PPHLN1: variants seen among roughly 807,000 people sequenced by gnomAD.
The protein encoded by PPHLN1 is periphilin-1.
A neutral mutation model predicts 51.3 loss-of-function variants in PPHLN1; 29 were observed. The ratio of observed to expected loss-of-function variants is 0.57; its 90% confidence interval spans 0.42 to 0.77. PPHLN1 has a LOEUF of 0.77. PPHLN1 is among the 30% of genes least tolerant of loss of function. The pLI is 0.00. For synonymous variants in PPHLN1, 147 were observed against 147.8 expected (o/e 0.99, Z 0.04); for missense variants, 436 against 438.4 (o/e 0.99, Z 0.05).
At chr12:42,377,896 A>C (rs912781725) in intron 5 of PPHLN1, among the ~76,000 whole-genome samples, 2 of 152,154 alleles carry the variant, frequency 1.3e-5, no homozygotes, top group Non-Finnish European at 2.9e-5. Flanking sequence ...TCTTGAGATG[A>C]AATGTGGTTG....
intron 5 of PPHLN1, among the ~76,000 whole-genome samples, chr12:42,384,713 C>T (rs1213134860): frequency 6.6e-6 from 1 of 152,196 alleles, no homozygotes; most frequent in South Asian, 2.1e-4. Context: ...TGACAGTTCC[C>T]CTTGGCTTCT....
chr12:42,331,629 G>C (rs2069751113), intron 1 of PPHLN1, among the ~76,000 whole-genome samples: 1 of 152,190 alleles, frequency 6.6e-6, no homozygotes, highest in Admixed American at 6.5e-5. Flanking sequence ...ATAAGAGAAA[G>C]AGATTTTTAT....
chr12:42,437,574 AG>A (rs2082590655), intron 9 of PPHLN1, among the ~76,000 whole-genome samples: 2 of 152,164 alleles, frequency 1.3e-5, no homozygotes, highest in Non-Finnish European at 2.9e-5. Context: ...GCAAGAGCAT[AG>A]AGAGTTCTTA....
intron 9 of PPHLN1, among the ~76,000 whole-genome samples, chr12:42,418,211 CTTTTTT>C (rs60029170): frequency 0.028 from 2,797 of 98,342 alleles, 120 homozygotes; most frequent in African/African-American, 0.11. Context: ...TCCCGGCCCT[CTTTTTT>C]TTTTTTTTTT....
intron 4 of PPHLN1, chr12:42,359,587 C>T (rs2074401476): frequency 6.6e-6 from 1 of 152,160 alleles, no homozygotes; most frequent in African/African-American, 2.4e-5. Flanking sequence ...GTAAGCTGTT[C>T]TCTGTATCAG....
intron 9 of PPHLN1, among the ~76,000 whole-genome samples, chr12:42,413,898 G>A (rs1469834563): frequency 6.6e-6 from 1 of 151,792 alleles, no homozygotes; most frequent in Non-Finnish European, 1.5e-5. Flanking sequence ...TTGAAGCCAG[G>A]TAATGTGATG....
chr12:42,442,742 G>GT, downstream of PPHLN1: 5 of 1,613,190 alleles, frequency 3.1e-6, no homozygotes, highest in Non-Finnish European at 4.2e-6. Context: ...TGCGCAGTCA[G>GT]TAAGTCATTG....
Position 42,335,947 on chromosome 12 carries a change from A to G in PPHLN1, c.45A>G (p.Glu15=). The G allele has an allele frequency of 6.3e-7, 1 of 1,588,160 alleles. No individual in the cohort carries two copies. Among genetic ancestry groups the G allele is most frequent in the South Asian group, 1.1e-5 (1 of 86,978 alleles). ...ATGAATATGAAAGAATTCCGAGAGAACGAGCACCTCCTCGAAGTCATCCCA... is the reference window on the plus strand; with the variant it reads ...ATGAATATGAAAGAATTCCGAGAGAGCGAGCACCTCCTCGAAGTCATCCCA... ...GRYEYERIPR[E]RAPPRSHPSD... Residue 15 remains glutamate, a synonymous_variant, in exon 2 of 10, where the codon GAA becomes GAG. Transcript: ENST00000358314.
At chr12:42,352,685 G>A (rs750289824) in intron 3 of PPHLN1, among the ~76,000 whole-genome samples, 2 of 151,910 alleles carry the variant, frequency 1.3e-5, no homozygotes, top group South Asian at 4.2e-4. Flanking sequence ...GGCCCACCTT[G>A]GCCTCCCAAA....
At chr12:42,443,976 T>C (rs960884922), downstream of PPHLN1, 28 of 152,234 alleles carry the variant, frequency 1.8e-4, no homozygotes, top group African/African-American at 6.8e-4. Context: ...CATGTGTCAG[T>C]ATTATGTAAA....
Position 42,441,615 on chromosome 12 carries a change from C to T in PPHLN1, c.*106C>T, listed in dbSNP as rs2082973156. The T allele has an allele frequency of 1.0e-5, 14 of 1,344,514 alleles. No individual in the cohort carries two copies. In the South Asian group the frequency reaches 2.7e-4, roughly 26 times the overall value. The allele number at this position is 1,344,514 out of a possible 1,614,324, so 83.3% of individuals were successfully genotyped here. A position where few individuals can be genotyped will look rare whatever the true frequency, so the allele number is the denominator to read the frequency against. ...GGAATTTTTGTGATGCAGAGAAATACTTTATGATAGTTGACAACATTTCAG... is the reference window on the plus strand; with the variant it reads ...GGAATTTTTGTGATGCAGAGAAATATTTTATGATAGTTGACAACATTTCAG... On this transcript the variant is annotated 3_prime_UTR_variant, in exon 10 of 10. Coordinates refer to ENST00000358314, the MANE Select transcript of PPHLN1 (RefSeq NM_201439.2).
chr12:42,418,517 C>T (rs1248032457), intron 9 of PPHLN1, among the ~76,000 whole-genome samples: 2 of 151,930 alleles, frequency 1.3e-5, no homozygotes, highest in Non-Finnish European at 2.9e-5. Context: ...TACTACCTCA[C>T]CCTCCAAATT....
chr12:42,352,550 C>T (rs1229394843), intron 3 of PPHLN1, among the ~76,000 whole-genome samples: 2 of 151,608 alleles, frequency 1.3e-5, no homozygotes, highest in African/African-American at 4.8e-5. Flanking sequence ...GCTGGGATTA[C>T]AGGCACGTGC....
intron 4 of PPHLN1, among the ~76,000 whole-genome samples, chr12:42,357,497 A>T (rs960641681): frequency 1.3e-5 from 2 of 152,180 alleles, no homozygotes; most frequent in Admixed American, 1.3e-4. Context: ...TGGCATTACA[A>T]ATCCAATGGA....
At chr12:42,378,085 TCTTTCTCTTTC>T (rs2076425781) in intron 5 of PPHLN1, among the ~76,000 whole-genome samples, 2 of 147,336 alleles carry the variant, frequency 1.4e-5, no homozygotes, top group Admixed American at 7.0e-5. Flanking sequence ...TATCTATCTA[TCTTTCTCTTTC>T]TTTCTTTCTT....
chr12:42,437,849 C>T (rs532122505), intron 9 of PPHLN1, among the ~76,000 whole-genome samples: 1 of 152,288 alleles, frequency 6.6e-6, no homozygotes, highest in South Asian at 2.1e-4. Context: ...TTGTCCCTTC[C>T]ACTTTCCCCT....
At chr12:42,368,162 A>G (rs988541584) in intron 4 of PPHLN1, among the ~76,000 whole-genome samples, 8 of 152,192 alleles carry the variant, frequency 5.3e-5, no homozygotes, top group African/African-American at 1.9e-4. Flanking sequence ...TATATAGTTT[A>G]TACTTGGTAT....
downstream of PPHLN1, chr12:42,445,062 C>T (rs2083234428): frequency 1.4e-6 from 1 of 702,358 alleles, no homozygotes. Flanking sequence ...TGAAACAGCC[C>T]TCATTAAGTC....
chr12:42,393,652 C>T lies in PPHLN1; in HGVS notation c.731C>T (p.Ser244Leu). Residue 244 changes from serine to leucine, a missense_variant, in exon 8 of 10, where the codon TCA becomes TTA. Transcript: ENST00000358314. ...SKWAAEKLEK[S>L]DESNLPEISE... ...TGGGCTGCTGAAAAGCTAGAGAAAT[C>T]AGATGAAAGTAACTTGCCTGAAATT... 1 of 1,610,330 alleles carries T rather than the reference C, an allele frequency of 6.2e-7. No individual in the cohort carries two copies. Among genetic ancestry groups the T allele is most frequent in the Non-Finnish European group, 8.5e-7 (1 of 1,178,690 alleles).
Sources: allele counts gnomAD v4.1 joint callset (sites outside exome capture counted in the v4.1 genomes callset), GRCh38; gene constraint gnomAD v4.1.1; transcripts MANE v1.5; gene names NCBI Gene and HGNC (gene_info 2026-07-23, HGNC 2026-07-21).